SRGAP2: variants seen among roughly 807,000 people sequenced by gnomAD.
SRGAP2 encodes SLIT-ROBO Rho GTPase-activating protein 2.
In SRGAP2, 15 loss-of-function variants were observed where a neutral mutation model predicts 57.2. That is an observed-to-expected ratio of 0.26 (90% CI 0.18 to 0.40). The LOEUF (loss-of-function observed/expected upper bound fraction) is 0.40, where lower values mean the gene tolerates loss of function less well. SRGAP2 is among the 10% of genes least tolerant of loss of function. SRGAP2 has a pLI of 1.00. For missense variants in SRGAP2, 520 were observed against 669.6 expected, an observed-to-expected ratio of 0.78 and a Z score of 2.47; for synonymous variants, 249 against 248.0, an observed-to-expected ratio of 1.00 and a Z score of -0.04.
intron 4 of SRGAP2, among the ~76,000 whole-genome samples, chr1:206,357,716 C>T (rs564226524): frequency 2.8e-3 from 414 of 150,380 alleles, no homozygotes; most frequent in Admixed American, 4.2e-3. Flanking sequence ...CCCGAGTAGC[C>T]GGGATTACAG....
chr1:206,253,877 G>A (rs1407428806), intron 2 of SRGAP2, among the ~76,000 whole-genome samples: 1 of 149,316 alleles, frequency 6.7e-6, no homozygotes. Context: ...ATAGACAAAG[G>A]CTCCATTTTC....
intron 5 of SRGAP2, among the ~76,000 whole-genome samples, chr1:206,386,169 G>A (rs1419083186): frequency 6.6e-6 from 1 of 152,180 alleles, no homozygotes; most frequent in Admixed American, 6.5e-5. Context: ...CAGGGGTGCT[G>A]CTAAAATCCT....
intron 2 of SRGAP2, among the ~76,000 whole-genome samples, chr1:206,238,684 G>T (rs1668027227): frequency 6.7e-6 from 1 of 149,182 alleles, no homozygotes; most frequent in Non-Finnish European, 1.5e-5. Flanking sequence ...AACCAGGGTA[G>T]GTCCTCTCTT....
At chr1:206,437,698 C>T (rs1344939438) in intron 15 of SRGAP2, 9 of 432,806 alleles carry the variant, frequency 2.1e-5, no homozygotes, top group African/African-American at 1.8e-4. Flanking sequence ...CATCCTCAGC[C>T]CATAGGGAAT....
At chr1:206,321,239 A>G (rs1462916531) in intron 3 of SRGAP2, among the ~76,000 whole-genome samples, 2 of 141,702 alleles carry the variant, frequency 1.4e-5, no homozygotes, top group African/African-American at 6.0e-5. Flanking sequence ...ATTAGATTCA[A>G]GTCACACACT....
At chr1:206,318,351 A>G (rs1553326566) in intron 3 of SRGAP2, among the ~76,000 whole-genome samples, 8 of 152,092 alleles carry the variant, frequency 5.3e-5, no homozygotes. Flanking sequence ...CAGTTAAGAA[A>G]GGGTTGGCTT....
chr1:206,366,383 A>T (rs559656411), intron 4 of SRGAP2, among the ~76,000 whole-genome samples: 1 of 152,224 alleles, frequency 6.6e-6, no homozygotes, highest in Non-Finnish European at 1.5e-5. Flanking sequence ...GCACAGTGAC[A>T]CAAAGGGTGT....
intron 2 of SRGAP2, among the ~76,000 whole-genome samples, chr1:206,230,629 ATTT>A (rs782803531): frequency 4.9e-5 from 7 of 143,924 alleles, no homozygotes; most frequent in African/African-American, 1.8e-4. Flanking sequence ...ATGGAGCTGT[ATTT>A]TTTTTTTTTT....
chr1:206,337,853 TAG>T (rs1674892583), intron 3 of SRGAP2, among the ~76,000 whole-genome samples: 1 of 143,934 alleles, frequency 6.9e-6, no homozygotes, highest in African/African-American at 2.6e-5. Flanking sequence ...AGAACCATAA[TAG>T]AGAGGCCAAC....
At chr1:206,387,163 T>C (rs556043149) in intron 5 of SRGAP2, among the ~76,000 whole-genome samples, 301 of 144,830 alleles carry the variant, frequency 2.1e-3, no homozygotes, top group African/African-American at 7.4e-3. Flanking sequence ...GTTCAGAGAA[T>C]AGAATTATTT....
intron 3 of SRGAP2, chr1:206,333,417 A>T: frequency 7.6e-7 from 1 of 1,324,440 alleles, no homozygotes; most frequent in South Asian, 1.2e-5. Context: ...AGCTTCTTCA[A>T]GGTATCACTG....
rs538400522 is a variant in SRGAP2 at position 206,342,386 on chromosome 1, T to C, written c.261-460T>C. Among the ~76,000 whole-genome samples, 6 of 151,918 alleles carry C rather than the reference T, an allele frequency of 3.9e-5. No individual in the cohort carries two copies. The East Asian group carries it at 1.2e-3, about 30-fold the overall frequency. The stretch of plus-strand genomic sequence containing the variant: ...CCTTAGACCTGGTCTAGCCAGACAA[T>C]GCAGAACTGTTGTTCTAGTCCCTGG... On this transcript the variant is annotated intron_variant, in intron 3 of 22. Coordinates refer to ENST00000573034, the MANE Select transcript of SRGAP2 (RefSeq NM_015326.5).
At chr1:206,385,585 G>A (rs1344450060) in intron 5 of SRGAP2, among the ~76,000 whole-genome samples, 8 of 150,544 alleles carry the variant, frequency 5.3e-5, no homozygotes, top group East Asian at 3.9e-4. Context: ...ACTCAAGGCA[G>A]CAGAAGAAGA....
In SRGAP2 at chr1:206,435,755, A is replaced by G. The variant is rs558640939; in HGVS notation, c.1556-1210A>G. Among the ~76,000 whole-genome samples the G allele has an allele frequency of 2.6e-5, 4 of 152,344 alleles. No homozygotes were observed. In the South Asian group the frequency reaches 8.3e-4, roughly 32 times the overall value. On this transcript the variant is annotated intron_variant, in intron 14 of 22. Coordinates refer to ENST00000573034, the MANE Select transcript of SRGAP2 (RefSeq NM_015326.5). ...TCAATCCCCTCATCCAGAGAATGAG[A>G]TTGTTGCCAACCTTTACCTTGTTGT...
In SRGAP2 at chr1:206,461,389, C is replaced by T. The variant is rs782182654; in HGVS notation, c.3185C>T (p.Pro1062Leu). 2.6e-6 allele frequency: 2 copies of T among 779,878 alleles called. No individual in the cohort carries two copies. Among genetic ancestry groups the T allele is most frequent in the Non-Finnish European group, 4.8e-6 (2 of 417,326 alleles). The allele number at this position is 779,878 out of a possible 1,614,324, so 48.3% of individuals were successfully genotyped here. Residue 1062 changes from proline to leucine, a missense_variant, in exon 23 of 23, where the codon CCA becomes CTA. Coordinates refer to ENST00000573034, the MANE Select transcript of SRGAP2 (RefSeq NM_015326.5). The part of the protein sequence containing the change: ...TSPGVNSSTS[P>L]QSTDKSCTV The stretch of plus-strand genomic sequence containing the variant: ...CCTGGTGTCAACTCATCAACTTCCC[C>T]ACAGTCTACTGACAAGTCTTGTACT...
chr1:206,386,690 T>C (rs1344512324), intron 5 of SRGAP2, among the ~76,000 whole-genome samples: 4 of 129,464 alleles, frequency 3.1e-5, no homozygotes, highest in Non-Finnish European at 6.5e-5. Flanking sequence ...TCCCAGCTAC[T>C]GGGGAGGCTG....
chr1:206,335,360 TCTACAGAAG>T (rs1553333415), intron 3 of SRGAP2, among the ~76,000 whole-genome samples: 10 of 152,148 alleles, frequency 6.6e-5, no homozygotes, highest in Non-Finnish European at 1.5e-5. Flanking sequence ...AGGTCCCAGG[TCTACAGAAG>T]CTATAGAGGG....
intron 3 of SRGAP2, chr1:206,333,249 G>A (rs1162034556): frequency 1.2e-5 from 11 of 927,594 alleles, no homozygotes; most frequent in Admixed American, 1.2e-4. Flanking sequence ...CGTCTTCTGC[G>A]TCGCTCACGC....
chr1:206,463,145 A>G lies in SRGAP2; in HGVS notation c.*1725A>G, dbSNP rs1358030534. 1 of 91,954 alleles carries G rather than the reference A, an allele frequency of 1.1e-5. No individual in the cohort carries two copies. The highest frequency in any genetic ancestry group is 2.4e-5 in the Non-Finnish European group (1 of 42,026). The allele number at this position is 91,954 out of a possible 1,614,324, so 5.7% of individuals were successfully genotyped here. On this transcript the variant is annotated 3_prime_UTR_variant, in exon 23 of 23. Coordinates refer to ENST00000573034, the MANE Select transcript of SRGAP2 (RefSeq NM_015326.5). ...GGTAGTTAGGTCTATGGAAAGTGGTAGGATTTTTTTTTTTTTAATCCTGTG... is the reference window on the plus strand; with the variant it reads ...GGTAGTTAGGTCTATGGAAAGTGGTGGGATTTTTTTTTTTTTAATCCTGTG...
Sources: allele counts gnomAD v4.1 joint callset (sites outside exome capture counted in the v4.1 genomes callset), GRCh38; gene constraint gnomAD v4.1.1; transcripts MANE v1.5; gene names NCBI Gene and HGNC (gene_info 2026-07-23, HGNC 2026-07-21).